Variants in COL6A2 observed in about 807,000 individuals in gnomAD.
COL6A2 encodes the protein collagen type VI alpha 2 chain.
A neutral mutation model predicts 124.9 loss-of-function variants in COL6A2; 90 were observed. That is an observed-to-expected ratio of 0.72 (90% confidence interval 0.61 to 0.86). The LOEUF (loss-of-function observed/expected upper bound fraction) is 0.86. COL6A2 is among the 40% of genes least tolerant of loss of function. COL6A2 has a pLI of 0.00. For synonymous variants in COL6A2, 793 were observed against 618.2 expected (o/e 1.28, Z -4.19); for missense variants, 1,607 against 1,502.5 (o/e 1.07, Z -1.15).
At chr21:46,124,996 A>G in intron 23 of COL6A2, 76 bp downstream of exon 23, 1 of 1,558,788 alleles carries the variant, frequency 6.4e-7, no homozygotes, top group Non-Finnish European at 8.8e-7. Flanking sequence ...GGGTGGGGGA[A>G]GGTCAGCTGG....
chr21:46,120,555 A>T lies in COL6A2; in HGVS notation c.1373A>T (p.Glu458Val). ...GAGGGGCCCCGCGGCCTGGCTGGAGAGGTTGGCAACAAAGGAGCCAAGGTA... is the reference window on the plus strand; with the variant it reads ...GAGGGGCCCCGCGGCCTGGCTGGAGTGGTTGGCAACAAAGGAGCCAAGGTA... Reference protein sequence around the residue: ...GPEGPRGLAGEVGNKGAKGDR... With the variant: ...GPEGPRGLAGVVGNKGAKGDR... Residue 458 changes from glutamate (E) to valine (V), a missense_variant, in exon 16 of 28, where the codon GAG becomes GTG. Physicochemically the swap from Glu to Val is moderately radical, Grantham distance 121. Around this residue, in one of 3 missense-constraint regions of COL6A2, gnomAD observed 1,223 missense variants for 1,052.2 expected, o/e 1.16. Coordinates refer to ENST00000300527, the MANE Select transcript of COL6A2 (RefSeq NM_001849.4). 6.8e-7 allele frequency: 1 copy of T among 1,470,462 alleles called. No homozygotes were observed. The allele number at this position is 1,470,462 out of a possible 1,614,324, so 91.1% of individuals were successfully genotyped here. A position where few individuals can be genotyped will look rare whatever the true frequency, so the allele number is the denominator to read the frequency against.
intron 1 of COL6A2, among the ~76,000 whole-genome samples, chr21:46,103,217 T>G (rs1341221097): frequency 1.3e-5 from 2 of 152,226 alleles, no homozygotes; most frequent in Non-Finnish European, 2.9e-5. Context: ...TATAGTTGCT[T>G]ATAGTACACT....
At chr21:46,118,214 G>C (rs2078506968) in intron 12 of COL6A2, among the ~76,000 whole-genome samples, 1 of 152,072 alleles carries the variant, frequency 6.6e-6, no homozygotes. Context: ...CACACCTCCT[G>C]GAGCTCCCCA....
chr21:46,112,621 A>ACG (rs774691039), intron 3 of COL6A2, 44 bp downstream of exon 3: 6 of 1,603,792 alleles, frequency 3.7e-6, no homozygotes, highest in Middle Eastern at 1.7e-4. Flanking sequence ...AGGGGTGGCC[A>ACG]CGGTGGGCCG....
intron 1 of COL6A2, among the ~76,000 whole-genome samples, chr21:46,110,719 C>G (rs2078386012): frequency 2.0e-5 from 1 of 50,930 alleles, no homozygotes; most frequent in Non-Finnish European, 5.3e-5. Context: ...TGAACCAGGC[C>G]CGGTGCCCTT....
chr21:46,132,337 G>GACGGCGTCACGGGCA lies in COL6A2; in HGVS notation c.2849_2863dup (p.Gly950_Asn954dup). ...AGAGCTGTCCTTCGTGTTCCTCACGGACGGCGTCACGGGCAACGACAGTCT... is the reference window on the plus strand; with the variant it reads ...AGAGCTGTCCTTCGTGTTCCTCACGGACGGCGTCACGGGCAACGGCGTCACGGGCAACGACAGTCT... On this transcript the variant is annotated inframe_insertion, in exon 28 of 28. Transcript: ENST00000300527. 1.2e-6 allele frequency: 2 copies of GACGGCGTCACGGGCA among 1,607,948 alleles called. No homozygotes were observed. Among genetic ancestry groups the GACGGCGTCACGGGCA allele is most frequent in the Non-Finnish European group, 1.7e-6 (2 of 1,179,584 alleles).
intron 2 of COL6A2, 43 bp from the exon 3 acceptor site, chr21:46,111,936 G>A (rs770405725): frequency 1.9e-6 from 3 of 1,587,844 alleles, no homozygotes; most frequent in Middle Eastern, 1.7e-4. Flanking sequence ...TCCAACAGCA[G>A]TCCCTCCTGA....
In COL6A2 at chr21:46,125,949, G is replaced by C. The variant is rs375608173; in HGVS notation, c.2134G>C (p.Asp712His). 3.1e-6 allele frequency: 5 copies of C among 1,613,004 alleles called. No homozygotes were observed. Among genetic ancestry groups the C allele is most frequent in the African/African-American group, 1.3e-5 (1 of 74,910 alleles). Residue 712 changes from aspartate (D) to histidine (H), a missense_variant, in exon 26 of 28, where the codon GAC becomes CAC. Physicochemically the swap from Asp to His is moderately conservative, Grantham distance 81 (BLOSUM62 -1). Coordinates refer to ENST00000300527, the MANE Select transcript of COL6A2 (RefSeq NM_001849.4). ...ACCCTCAGCCCTCAAGTTTGCCTAC[G>C]ACCGCCTCATCAAGGAGAGCCGGCG... ...WTPSALKFAY[D>H]RLIKESRRQK... is the part of the protein sequence containing the mutation.
intron 12 of COL6A2, 115 bp from the exon 13 acceptor site, chr21:46,118,499 G>A (rs2078510872): frequency 1.0e-6 from 1 of 954,020 alleles, no homozygotes; most frequent in Admixed American, 2.0e-5. Flanking sequence ...GTGCCCCGTG[G>A]ACATCAGGGA....
rs534856775 is a variant in COL6A2 at position 46,129,237 on chromosome 21, C to T, written c.2461+2696C>T. 5.6e-5 allele frequency: 90 copies of T among 1,612,950 alleles called. No individual in the cohort carries two copies. The South Asian group carries it at 5.6e-4, about 10-fold the overall frequency. On this transcript the variant is annotated intron_variant, in intron 27 of 27. Coordinates refer to ENST00000300527, the MANE Select transcript of COL6A2 (RefSeq NM_001849.4). ...CGGCGAGCCCCCGGTCACCTTCCTC[C>T]GCACGGAAGAGGGGCCGGACGCCAC...
At chr21:46,100,879 T>C (rs1173121375) in intron 1 of COL6A2, among the ~76,000 whole-genome samples, 1 of 152,240 alleles carries the variant, frequency 6.6e-6, no homozygotes, top group Non-Finnish European at 1.5e-5. Flanking sequence ...CAGATACCTC[T>C]TGGAGATCCC....
At chr21:46,100,873 T>C (rs777669260) in intron 1 of COL6A2, among the ~76,000 whole-genome samples, 1 of 152,238 alleles carries the variant, frequency 6.6e-6, no homozygotes, top group Non-Finnish European at 1.5e-5. Flanking sequence ...ACCACACAGA[T>C]ACCTCTTGGA....
At chr21:46,124,778 C>T (rs757186607) in intron 22 of COL6A2, 65 bp downstream of exon 22, 52 of 1,602,418 alleles carry the variant, frequency 3.2e-5, no homozygotes, top group Middle Eastern at 1.7e-4. Flanking sequence ...ACCCAAGCCT[C>T]GTGGTTCTGC....
At chr21:46,128,611 CGCA>C (rs2078710696) in intron 27 of COL6A2, among the ~76,000 whole-genome samples, 1 of 152,214 alleles carries the variant, frequency 6.6e-6, no homozygotes, top group African/African-American at 2.4e-5. Context: ...ACAAACCAGA[CGCA>C]GCTGAAGGCA....
At chr21:46,115,729 G>C in intron 5 of COL6A2, 143 bp from the exon 6 acceptor site, 1 of 764,372 alleles carries the variant, frequency 1.3e-6, no homozygotes, top group South Asian at 1.5e-5. Flanking sequence ...CCTTTGGGGA[G>C]CAGCTGACAC....
chr21:46,126,471 T>C, intron 26 of COL6A2, 32 bp from the exon 27 acceptor site: 1 of 1,600,070 alleles, frequency 6.2e-7, no homozygotes, highest in Non-Finnish European at 8.5e-7. Flanking sequence ...GGACTGACCC[T>C]GGCCTGGCCC....
intron 1 of COL6A2, among the ~76,000 whole-genome samples, chr21:46,100,624 G>T (rs189408449): frequency 1.3e-5 from 2 of 152,228 alleles, no homozygotes; most frequent in Non-Finnish European, 2.9e-5. Context: ...GGCCATTTAG[G>T]TGACTCATAT....
chr21:46,119,711 C>A, intron 14 of COL6A2, 77 bp from the exon 15 acceptor site: 2 of 1,362,390 alleles, frequency 1.5e-6, no homozygotes, highest in Non-Finnish European at 2.0e-6. Flanking sequence ...GCATCGGCCC[C>A]GGCACAGCCC....
intron 25 of COL6A2, 60 bp from the exon 26 acceptor site, chr21:46,125,725 G>T (rs2078653239): frequency 6.2e-7 from 1 of 1,601,056 alleles, no homozygotes. Context: ...GCCTCTGCAT[G>T]GCTGGGGATG....
Sources: allele counts gnomAD v4.1 joint callset (sites outside exome capture counted in the v4.1 genomes callset), GRCh38; gene constraint gnomAD v4.1.1; regional missense constraint gnomAD v4.1.1; transcripts MANE v1.5; gene names NCBI Gene and HGNC (gene_info 2026-07-23, HGNC 2026-07-21).